The following TTC7A variants were observed in gnomAD, a reference collection of about 807,000 sequenced individuals.
TTC7A encodes the protein tetratricopeptide repeat protein 7A.
TTC7A carries 110 observed loss-of-function variants against 103.7 expected under a neutral mutation model. That is an observed-to-expected ratio of 1.06 (90% CI 0.91 to 1.24). The LOEUF is 1.24. TTC7A is among the 50% of genes most tolerant of loss of function. TTC7A has a pLI of 0.00. For synonymous variants in TTC7A, 521 were observed against 467.9 expected, an observed-to-expected ratio of 1.11 and a Z score of -1.47; for missense variants, 1,340 against 1,116.3, an observed-to-expected ratio of 1.20 and a Z score of -2.86.
rs186870275 is a variant in TTC7A at position 47,071,507 on chromosome 2, T to G, written c.2356-2195T>G. Among the ~76,000 whole-genome samples the G allele has an allele frequency of 1.3e-3, 201 of 152,324 alleles. 1 individual carries two copies. The highest frequency in any genetic ancestry group is 2.2e-3 in the Non-Finnish European group (153 of 68,032). ...CCCCCGCGGTGATTTTTCAAGTTGA[T>G]CATTGCAGAATCCTCACAAGAGCCC... On this transcript the variant is annotated intron_variant, in intron 19 of 19. Coordinates refer to ENST00000319190, the MANE Select transcript of TTC7A (RefSeq NM_020458.4).
chr2:46,972,115 C>T (rs976889181), intron 3 of TTC7A, among the ~76,000 whole-genome samples: 1 of 151,982 alleles, frequency 6.6e-6, no homozygotes, highest in African/African-American at 2.4e-5. Flanking sequence ...AGAATCCACC[C>T]TTCTCTGTCA....
chr2:46,917,353 C>A (rs1668864810), intron 2 of TTC7A: 1 of 600,870 alleles, frequency 1.7e-6, no homozygotes, highest in Non-Finnish European at 2.9e-6. Context: ...TTCTTCTTTC[C>A]TTACTCTGAA....
intron 11 of TTC7A, among the ~76,000 whole-genome samples, chr2:47,020,972 A>G (rs919883): frequency 0.5 from 76,423 of 152,036 alleles, 19,559 homozygotes; most frequent in East Asian, 0.57. Context: ...GACCAGGAGA[A>G]ATGCCCATGG....
chr2:47,047,395 G>A, intron 16 of TTC7A: 2 of 1,168,302 alleles, frequency 1.7e-6, no homozygotes, highest in Admixed American at 2.0e-5. Flanking sequence ...TCAGGCCTGG[G>A]AGACCAGGGC....
At chr2:47,013,369 G>C (rs971976056) in intron 11 of TTC7A, among the ~76,000 whole-genome samples, 2 of 152,208 alleles carry the variant, frequency 1.3e-5, no homozygotes, top group Admixed American at 6.5e-5. Flanking sequence ...TGCTGAGCAC[G>C]TGCAGCAGAG....
chr2:47,006,024 T>C lies in TTC7A; in HGVS notation c.1168T>C (p.Leu390=), dbSNP rs772847504. 10 of 1,613,186 alleles carry C rather than the reference T, an allele frequency of 6.2e-6. No individual in the cohort carries two copies. Among genetic ancestry groups the C allele is most frequent in the African/African-American group, 2.7e-5 (2 of 74,618 alleles). The part of the protein sequence containing the change: ...AAIYDLLSIT[L]GRRGQYVMLS... ...CATCTATGACCTCCTGAGCATCACG[T>C]TGGGCAGAAGGGGACAGTACGTCAT... Residue 390 remains leucine, a synonymous_variant, in exon 9 of 20, where the codon TTG becomes CTG. Coordinates refer to ENST00000319190, the MANE Select transcript of TTC7A (RefSeq NM_020458.4).
chr2:46,923,877 C>A (rs143035720), intron 2 of TTC7A, among the ~76,000 whole-genome samples: 1 of 151,950 alleles, frequency 6.6e-6, no homozygotes, highest in African/African-American at 2.4e-5. Context: ...GGATTACAGG[C>A]GCCTGCCACC....
intron 17 of TTC7A, 57 bp downstream of exon 17, chr2:47,050,103 C>A: frequency 1.4e-6 from 2 of 1,405,998 alleles, no homozygotes; most frequent in Non-Finnish European, 2.0e-6. Flanking sequence ...ACACTCCCAG[C>A]TTGAGAGCAC....
chr2:46,953,248 G>T (rs1365623793), intron 2 of TTC7A, among the ~76,000 whole-genome samples: 1 of 152,082 alleles, frequency 6.6e-6, no homozygotes, highest in Non-Finnish European at 1.5e-5. Flanking sequence ...GGACCTCCTG[G>T]GCTCAAGTGA....
intron 18 of TTC7A, chr2:47,054,186 T>G: frequency 1.0e-6 from 1 of 985,326 alleles, no homozygotes; most frequent in Non-Finnish European, 1.2e-6. Flanking sequence ...GGAGACCAGT[T>G]TGGGTGCATG....
At chr2:46,973,954 C>T (rs1226745695) in intron 3 of TTC7A, among the ~76,000 whole-genome samples, 1 of 152,196 alleles carries the variant, frequency 6.6e-6, no homozygotes, top group Non-Finnish European at 1.5e-5. Context: ...ATCCCCTTAA[C>T]ATTCCTATCC....
At chr2:47,055,769 T>G (rs950421232) in intron 18 of TTC7A, among the ~76,000 whole-genome samples, 10 of 152,174 alleles carry the variant, frequency 6.6e-5, no homozygotes, top group Non-Finnish European at 1.2e-4. Flanking sequence ...GCCGGTGCTC[T>G]GGCCCGCAGT....
chr2:46,977,730 C>T (rs1354654257), intron 4 of TTC7A, among the ~76,000 whole-genome samples: 2 of 152,188 alleles, frequency 1.3e-5, no homozygotes, highest in Non-Finnish European at 2.9e-5. Context: ...TGATCTTAGG[C>T]ATTAAATTAT....
At chr2:47,022,305 G>A (rs565131125) in intron 12 of TTC7A, among the ~76,000 whole-genome samples, 1 of 152,302 alleles carries the variant, frequency 6.6e-6, no homozygotes, top group South Asian at 2.1e-4. Flanking sequence ...CTTCCTGTCT[G>A]TAATGCGCCA....
intron 11 of TTC7A, among the ~76,000 whole-genome samples, chr2:47,014,299 C>T (rs372819783): frequency 2.6e-5 from 4 of 152,156 alleles, no homozygotes; most frequent in South Asian, 2.1e-4. Context: ...CCCAACCTGC[C>T]AGGAAGGGAC....
Position 46,941,807 on chromosome 2 carries a change from C to T in TTC7A, c.184+82C>T, listed in dbSNP as rs1670425320. The T allele has an allele frequency of 2.6e-6, 4 of 1,516,188 alleles. No individual in the cohort carries two copies. Among genetic ancestry groups the T allele is most frequent in the Admixed American group, 4.1e-5 (2 of 49,144 alleles). The allele number at this position is 1,516,188 out of a possible 1,614,324, so 93.9% of individuals were successfully genotyped here. ...CTCCAGGAAGCGCGCCCAGACAGTC[C>T]TCGGCCGACAGCGGGCGCCTGCCAG... On this transcript the variant is annotated intron_variant, in intron 1 of 19. Coordinates refer to ENST00000319190, the MANE Select transcript of TTC7A (RefSeq NM_020458.4). The surrounding 1 kb of genome is among the most constrained non-coding windows in gnomAD (Gnocchi z 4.2).
chr2:46,999,470 A>G (rs1558558242), intron 8 of TTC7A: 2 of 985,306 alleles, frequency 2.0e-6, no homozygotes, highest in Non-Finnish European at 2.4e-6. Context: ...CCATGTATCC[A>G]TCTAATCTTA....
chr2:46,928,479 A>G (rs1053041235), intron 2 of TTC7A, among the ~76,000 whole-genome samples: 1 of 149,682 alleles, frequency 6.7e-6, no homozygotes, highest in Non-Finnish European at 1.5e-5. Flanking sequence ...AAAAAAAAAA[A>G]AAAAAACTTG....
At chr2:46,966,591 CTTT>C (rs11336534) in intron 3 of TTC7A, among the ~76,000 whole-genome samples, 1 of 145,358 alleles carries the variant, frequency 6.9e-6, no homozygotes. Context: ...TATGCTAAAT[CTTT>C]TTTTTTTTTG....
Sources: allele counts gnomAD v4.1 joint callset (sites outside exome capture counted in the v4.1 genomes callset), GRCh38; gene constraint gnomAD v4.1.1; non-coding constraint Gnocchi (gnomAD v3.1); transcripts MANE v1.5; gene names NCBI Gene and HGNC (gene_info 2026-07-23, HGNC 2026-07-21).